GALNT13: variants seen among roughly 807,000 people sequenced by gnomAD.
GALNT13 encodes polypeptide N-acetylgalactosaminyltransferase 13.
GALNT13 carries 28 observed loss-of-function variants against 64.2 expected under a neutral mutation model. That is an observed-to-expected ratio of 0.44 (90% CI 0.32 to 0.60). The LOEUF is 0.60. Among genes scored for constraint, GALNT13 ranks in the 20% least tolerant of loss-of-function variants. The pLI, the probability that GALNT13 is intolerant of heterozygous loss-of-function variation, is 0.05. For missense variants in GALNT13, 577 were observed against 669.8 expected (o/e 0.86, Z 1.53); for synonymous variants, 214 against 224.6 (o/e 0.95, Z 0.42).
rs1174942250 is a variant in GALNT13 at position 154,242,121 on chromosome 2, G to C, written c.403G>C (p.Val135Leu). The C allele has an allele frequency of 6.2e-7, 1 of 1,612,692 alleles. No individual in the cohort carries two copies. Among genetic ancestry groups the C allele is most frequent in the African/African-American group, 1.3e-5 (1 of 74,840 alleles). Residue 135 changes from valine to leucine, a missense_variant, in exon 5 of 13, where the codon GTT becomes CTT. Coordinates refer to ENST00000392825, the MANE Select transcript of GALNT13 (RefSeq NM_052917.4). ...AGCTTGGAGCACTCTCCTTAGAACT[G>C]TTTACAGTGTGATAAATCGTTCCCC... is the stretch of plus-strand genomic sequence containing the variant. Reference protein sequence around the residue: ...NEAWSTLLRTVYSVINRSPHY... With the variant: ...NEAWSTLLRTLYSVINRSPHY...
chr2:153,102,620 A>G, the GALNT13 span, among the ~76,000 whole-genome samples: 1 of 152,282 alleles, frequency 6.6e-6, no homozygotes, highest in South Asian at 2.1e-4. Flanking sequence ...AAGAAACTCA[A>G]ACTTGCAACG....
the GALNT13 span, among the ~76,000 whole-genome samples, chr2:153,611,652 A>G: frequency 7.3e-6 from 1 of 137,166 alleles, no homozygotes; most frequent in South Asian, 2.4e-4. Flanking sequence ...GTGAGCCTCC[A>G]TGCCTGACCA....
At chr2:154,274,724 T>A (rs557590478) in intron 8 of GALNT13, among the ~76,000 whole-genome samples, 1 of 152,200 alleles carries the variant, frequency 6.6e-6, no homozygotes, top group South Asian at 2.1e-4. Flanking sequence ...ATGTCTTTAT[T>A]AGCAGCATGA....
intron 4 of GALNT13, among the ~76,000 whole-genome samples, chr2:154,226,713 A>G (rs1688637007): frequency 6.6e-6 from 1 of 152,110 alleles, no homozygotes; most frequent in Non-Finnish European, 1.5e-5. Context: ...CAAAACTGAT[A>G]TTAATTGTTC....
At chr2:154,233,914 T>A (rs1299584812) in intron 4 of GALNT13, among the ~76,000 whole-genome samples, 1 of 152,122 alleles carries the variant, frequency 6.6e-6, no homozygotes, top group African/African-American at 2.4e-5. Flanking sequence ...TCCTCTGGGT[T>A]CTTCCAGCTG....
chr2:154,143,323 A>G (rs958375424), intron 4 of GALNT13, among the ~76,000 whole-genome samples: 20 of 152,190 alleles, frequency 1.3e-4, no homozygotes, highest in African/African-American at 4.3e-4. Flanking sequence ...GGGTTCCTAT[A>G]ACAGGCCAGG....
chr2:153,737,873 C>G, the GALNT13 span, among the ~76,000 whole-genome samples: 3 of 151,930 alleles, frequency 2.0e-5, no homozygotes, highest in Non-Finnish European at 4.4e-5. Context: ...CTAATATAGG[C>G]TACTTAAGTT....
chr2:154,390,824 A>C (rs1276430844), intron 9 of GALNT13, among the ~76,000 whole-genome samples: 1 of 152,206 alleles, frequency 6.6e-6, no homozygotes, highest in Non-Finnish European at 1.5e-5. Context: ...CCATTGAAAG[A>C]CTTGCCTTAA....
intron 10 of GALNT13, among the ~76,000 whole-genome samples, chr2:154,406,079 A>G (rs1559137678): frequency 6.6e-6 from 1 of 152,144 alleles, no homozygotes; most frequent in Non-Finnish European, 1.5e-5. Context: ...TCAACATGCA[A>G]GAACTCAAGA....
chr2:154,197,304 G>C (rs1686929632), intron 4 of GALNT13, among the ~76,000 whole-genome samples: 2 of 152,044 alleles, frequency 1.3e-5, no homozygotes, highest in Admixed American at 6.6e-5. Context: ...ATATATAAAA[G>C]AAAGGTGGAT....
At chr2:154,401,608 T>A (rs1699307061) in intron 10 of GALNT13, among the ~76,000 whole-genome samples, 1 of 152,180 alleles carries the variant, frequency 6.6e-6, no homozygotes, top group Admixed American at 6.5e-5. Flanking sequence ...TGTATTTTTT[T>A]AACTTCATAT....
At chr2:154,171,688 C>G (rs941988202) in intron 4 of GALNT13, among the ~76,000 whole-genome samples, 1 of 152,078 alleles carries the variant, frequency 6.6e-6, no homozygotes, top group Non-Finnish European at 1.5e-5. Context: ...AAGACAGGCA[C>G]AGTGAAGTAT....
At chr2:153,838,650 G>A in the GALNT13 span, among the ~76,000 whole-genome samples, 1 of 151,916 alleles carries the variant, frequency 6.6e-6, no homozygotes, top group Middle Eastern at 3.4e-3. Flanking sequence ...CCAGTTCCAT[G>A]CTGTTTTGAT....
At chr2:153,744,385 C>T in the GALNT13 span, among the ~76,000 whole-genome samples, 11 of 152,134 alleles carry the variant, frequency 7.2e-5, no homozygotes, top group Admixed American at 1.3e-4. Context: ...TGGGGTGAGA[C>T]GATATCTCAT....
At chr2:154,391,610 G>T (rs532883332) in intron 9 of GALNT13, among the ~76,000 whole-genome samples, 1 of 152,192 alleles carries the variant, frequency 6.6e-6, no homozygotes, top group Non-Finnish European at 1.5e-5. Flanking sequence ...GGGCAGAATG[G>T]ATGTCAGGCG....
At chr2:154,454,567 G>A (rs1325928992), downstream of GALNT13, 1 of 152,100 alleles carries the variant, frequency 6.6e-6, no homozygotes, top group Non-Finnish European at 1.5e-5. Flanking sequence ...GGAGGCTGAT[G>A]TGAGAGAATT....
intron 11 of GALNT13, among the ~76,000 whole-genome samples, chr2:154,420,830 T>C (rs1270651384): frequency 6.6e-6 from 1 of 152,096 alleles, no homozygotes; most frequent in East Asian, 1.9e-4. Flanking sequence ...ATTTCTAAAT[T>C]AACAGCGTTG....
intron 9 of GALNT13, among the ~76,000 whole-genome samples, chr2:154,360,352 C>A (rs570367480): frequency 6.6e-6 from 1 of 152,070 alleles, no homozygotes; most frequent in Admixed American, 6.6e-5. Context: ...TTGTTCATTC[C>A]TTTAAAAAGA....
chr2:153,385,999 C>G, the GALNT13 span, among the ~76,000 whole-genome samples: 2 of 151,962 alleles, frequency 1.3e-5, no homozygotes, highest in Non-Finnish European at 2.9e-5. Context: ...GATAAAATTT[C>G]TTGCTTCTGG....
Sources: allele counts gnomAD v4.1 joint callset (sites outside exome capture counted in the v4.1 genomes callset), GRCh38; gene constraint gnomAD v4.1.1; transcripts MANE v1.5; gene names NCBI Gene and HGNC (gene_info 2026-07-23, HGNC 2026-07-21).